BRI3: variants seen among roughly 807,000 people sequenced by gnomAD.
BRI3 encodes the protein brain protein I3, also known as membrane protein BRI3.
A neutral mutation model predicts 12.8 loss-of-function variants in BRI3; 6 were observed. The observed-to-expected ratio is 0.47, with a 90% CI of 0.26 to 0.93. The LOEUF (loss-of-function observed/expected upper bound fraction) is 0.93. BRI3 is among the 40% of genes least tolerant of loss of function. The pLI, the probability that BRI3 is intolerant of heterozygous loss-of-function variation, is 0.15. For synonymous variants in BRI3, 91 were observed against 76.1 expected (o/e 1.20, Z -1.02); for missense variants, 134 against 171.1 (o/e 0.78, Z 1.21).
intron 2 of BRI3, 65 bp from the exon 3 acceptor site, chr7:98,291,046 A>AG (rs1391517166): frequency 1.3e-6 from 2 of 1,586,668 alleles, no homozygotes; most frequent in African/African-American, 2.7e-5. Flanking sequence ...CAAGGGTGGC[A>AG]GGGGTGAGGG....
chr7:98,314,638 A>G (rs1022172994), downstream of BRI3, among the ~76,000 whole-genome samples: 18 of 152,264 alleles, frequency 1.2e-4, no homozygotes, highest in African/African-American at 4.3e-4. Context: ...AGGAACCAAT[A>G]CCACCAAGAG....
At chr7:98,313,972 C>A (rs914583313), downstream of BRI3, among the ~76,000 whole-genome samples, 1 of 137,864 alleles carries the variant, frequency 7.3e-6, no homozygotes, top group South Asian at 2.2e-4. Context: ...CTGAATACTC[C>A]TTTTTCTTCC....
chr7:98,300,217 G>A (rs1800363667), intron 1 of BRI3, among the ~76,000 whole-genome samples: 1 of 151,522 alleles, frequency 6.6e-6, no homozygotes, highest in African/African-American at 2.4e-5. Context: ...GATCCCTGCT[G>A]GTGAGGAGGC....
At chr7:98,293,741 A>T (rs1800066825), downstream of BRI3, 2 of 766,512 alleles carry the variant, frequency 2.6e-6, no homozygotes, top group East Asian at 2.6e-5. Flanking sequence ...GCGTTTTCTG[A>T]GTGTGAAAGT....
upstream of BRI3, among the ~76,000 whole-genome samples, chr7:98,303,639 C>T (rs888486715): frequency 1.7e-4 from 26 of 152,264 alleles, no homozygotes; most frequent in African/African-American, 5.8e-4. Flanking sequence ...TGTGCGGTGG[C>T]GGGAATGGAT....
exon 2 of BRI3, chr7:98,307,936 T>A: frequency 1.3e-6 from 2 of 1,590,480 alleles, no homozygotes; most frequent in Non-Finnish European, 1.7e-6. Flanking sequence ...TTTCAAAGCA[T>A]GAGAATCAAT....
intron 1 of BRI3, among the ~76,000 whole-genome samples, chr7:98,298,177 T>G (rs1434841275): frequency 6.6e-6 from 1 of 152,234 alleles, no homozygotes; most frequent in Non-Finnish European, 1.5e-5. Flanking sequence ...GATCGTCTAA[T>G]AAGACGCGCC....
downstream of BRI3, chr7:98,292,342 C>T: frequency 2.7e-6 from 1 of 374,810 alleles, no homozygotes; most frequent in Non-Finnish European, 5.0e-6. Context: ...CTGCCTCAGC[C>T]TCCTGAGTGG....
At chr7:98,284,454 T>G (rs1176981050) in intron 2 of BRI3, among the ~76,000 whole-genome samples, 1 of 151,968 alleles carries the variant, frequency 6.6e-6, no homozygotes, top group Non-Finnish European at 1.5e-5. Flanking sequence ...GTGGGTGGGG[T>G]GTGTGGTCCC....
chr7:98,307,548 C>A, exon 2 of BRI3: 1 of 1,464,626 alleles, frequency 6.8e-7, no homozygotes, highest in Non-Finnish European at 9.0e-7. Flanking sequence ...CGAATAACTT[C>A]AGTTAACTAA....
downstream of BRI3, among the ~76,000 whole-genome samples, chr7:98,293,812 C>T (rs1380929657): frequency 2.0e-5 from 3 of 152,218 alleles, no homozygotes; most frequent in Non-Finnish European, 2.9e-5. Flanking sequence ...AGGTTTTAAG[C>T]GTTCTGGACG....
chr7:98,322,239 C>A, the BRI3 span, among the ~76,000 whole-genome samples: 1 of 152,154 alleles, frequency 6.6e-6, no homozygotes, highest in Non-Finnish European at 1.5e-5. Flanking sequence ...ACAAATGACC[C>A]TATCATGTCC....
downstream of BRI3, among the ~76,000 whole-genome samples, chr7:98,297,749 G>A (rs1440796828): frequency 6.6e-5 from 10 of 152,234 alleles, no homozygotes; most frequent in Admixed American, 6.5e-4. Flanking sequence ...CCCATGTTGT[G>A]ACGCAAACGA....
the BRI3 span, among the ~76,000 whole-genome samples, chr7:98,320,578 A>C: frequency 6.6e-6 from 1 of 152,256 alleles, no homozygotes; most frequent in Non-Finnish European, 1.5e-5. Context: ...TCAGGTGATC[A>C]ACTGCCTTGG....
At chr7:98,288,568 T>C (rs902495725) in intron 2 of BRI3, among the ~76,000 whole-genome samples, 1 of 149,936 alleles carries the variant, frequency 6.7e-6, no homozygotes, top group African/African-American at 2.4e-5. Flanking sequence ...TGGAGCTTCA[T>C]GGTGTGCCCT....
the BRI3 span, chr7:98,317,377 C>T: frequency 1.2e-6 from 2 of 1,611,258 alleles, no homozygotes; most frequent in Middle Eastern, 3.3e-4. Context: ...AATGGCTGTG[C>T]TTATTTTACT....
At chr7:98,293,354 T>C (rs1014584793), downstream of BRI3, 50 of 618,454 alleles carry the variant, frequency 8.1e-5, no homozygotes, top group African/African-American at 8.7e-4. Context: ...CAGAAACTTG[T>C]CAACCCAACT....
chr7:98,296,365 C>T (rs1800191874), downstream of BRI3, among the ~76,000 whole-genome samples: 1 of 152,218 alleles, frequency 6.6e-6, no homozygotes, highest in Non-Finnish European at 1.5e-5. Context: ...GTGGCTCATG[C>T]CTGTAATCCC....
upstream of BRI3, among the ~76,000 whole-genome samples, chr7:98,305,386 C>G (rs1485010323): frequency 6.6e-5 from 10 of 151,936 alleles, 1 homozygote; most frequent in Admixed American, 6.6e-4. Context: ...AGTTTTTGTT[C>G]CCCAGCACAA....
Sources: allele counts gnomAD v4.1 joint callset (sites outside exome capture counted in the v4.1 genomes callset), GRCh38; gene constraint gnomAD v4.1.1; transcripts MANE v1.5; gene names NCBI Gene and HGNC (gene_info 2026-07-23, HGNC 2026-07-21).